The following PKHD1 variants were observed in gnomAD, a reference collection of about 807,000 sequenced individuals.
PKHD1 encodes fibrocystin.
PKHD1 carries 291 observed loss-of-function variants against 412.0 expected under a neutral mutation model. That is an observed-to-expected ratio of 0.71 (90% CI 0.64 to 0.78). The LOEUF is 0.78. Among genes scored for constraint, PKHD1 ranks in the 30% least tolerant of loss-of-function variants. The pLI is 0.00. For synonymous variants in PKHD1, 1,777 were observed against 1,821.5 expected, an observed-to-expected ratio of 0.98 and a Z score of 0.62; for missense variants, 4,825 against 4,950.7, an observed-to-expected ratio of 0.97 and a Z score of 0.76.
intron 36 of PKHD1, 55 bp from the exon 37 acceptor site, chr6:51,934,377 G>C (rs748587407): frequency 1.8e-6 from 2 of 1,127,206 alleles, no homozygotes; most frequent in Admixed American, 3.4e-5. Context: ...TTACCGTTTT[G>C]TCAGTTTCAA....
At chr6:51,647,666 A>G (rs1289364480) in intron 63 of PKHD1, among the ~76,000 whole-genome samples, 1 of 152,190 alleles carries the variant, frequency 6.6e-6, no homozygotes, top group Non-Finnish European at 1.5e-5. Flanking sequence ...AGTCCATGAT[A>G]CTATACCAAA....
intron 51 of PKHD1, among the ~76,000 whole-genome samples, chr6:51,832,390 T>C (rs1768414715): frequency 6.6e-6 from 1 of 151,756 alleles, no homozygotes; most frequent in Non-Finnish European, 1.5e-5. Context: ...AATTGGGAAG[T>C]CAAGTGGAGG....
At chr6:51,635,003 T>C (rs1017892349) in intron 64 of PKHD1, among the ~76,000 whole-genome samples, 1 of 152,200 alleles carries the variant, frequency 6.6e-6, no homozygotes, top group Non-Finnish European at 1.5e-5. Context: ...TATAGCTCAC[T>C]GTAGCCCTGA....
intron 60 of PKHD1, among the ~76,000 whole-genome samples, chr6:51,677,202 C>T (rs1315895063): frequency 6.6e-6 from 1 of 152,140 alleles, no homozygotes; most frequent in Non-Finnish European, 1.5e-5. Context: ...CATGTATTCA[C>T]TCACTGCTTA....
In PKHD1 at chr6:52,069,482, A is replaced by G. The variant is rs1426582740; in HGVS notation, c.753T>C (p.Asp251=). 3.7e-6 allele frequency: 6 copies of G among 1,613,156 alleles called. No individual in the cohort carries two copies. Among genetic ancestry groups the G allele is most frequent in the Non-Finnish European group, 4.2e-6 (5 of 1,179,268 alleles). The stretch of plus-strand genomic sequence containing the variant: ...CTGAGTGTGTCTGGTATAGGAAAAG[A>G]TCCTGTTTAGCACTGATCAGCCATG... ...KKAWLISAKQ[D]LFLYQTHSEI... The change falls in exon 11 of 67, where the codon GAT becomes GAC. Residue 251 remains aspartate (D), a synonymous_variant. Coordinates refer to ENST00000371117, the MANE Select transcript of PKHD1 (RefSeq NM_138694.4).
chr6:52,075,026 A>C (rs1415214364), intron 6 of PKHD1, among the ~76,000 whole-genome samples: 9 of 152,098 alleles, frequency 5.9e-5, no homozygotes. Context: ...CCCTCACCCT[A>C]ACAAGACTTC....
At chr6:51,845,048 G>T (rs1317542439) in intron 50 of PKHD1, among the ~76,000 whole-genome samples, 1 of 152,168 alleles carries the variant, frequency 6.6e-6, no homozygotes, top group African/African-American at 2.4e-5. Context: ...GAAAAAAACA[G>T]TTAAGTGAAA....
intron 60 of PKHD1, among the ~76,000 whole-genome samples, chr6:51,715,199 T>C (rs1055223636): frequency 2.6e-5 from 4 of 152,066 alleles, no homozygotes; most frequent in Non-Finnish European, 5.9e-5. Flanking sequence ...CTTCCAAAAC[T>C]AGGCAGAACA....
intron 36 of PKHD1, among the ~76,000 whole-genome samples, chr6:51,952,858 A>AT (rs929666617): frequency 2.0e-5 from 3 of 152,090 alleles, no homozygotes; most frequent in Admixed American, 6.6e-5. Flanking sequence ...TAGGAAGAAA[A>AT]TTTACTCATT....
At chr6:51,984,321 C>T (rs983426973) in intron 35 of PKHD1, among the ~76,000 whole-genome samples, 1 of 152,158 alleles carries the variant, frequency 6.6e-6, no homozygotes, top group East Asian at 1.9e-4. Flanking sequence ...CAAGTAGTTT[C>T]CCCAAGAGAA....
At chr6:51,946,295 A>T (rs1272721209) in intron 36 of PKHD1, among the ~76,000 whole-genome samples, 3 of 152,146 alleles carry the variant, frequency 2.0e-5, no homozygotes, top group African/African-American at 7.2e-5. Context: ...AAGCATCCCC[A>T]CCCCGCTTTA....
intron 48 of PKHD1, among the ~76,000 whole-genome samples, chr6:51,858,294 G>A (rs753681752): frequency 1.3e-5 from 2 of 152,020 alleles, no homozygotes; most frequent in African/African-American, 4.8e-5. Flanking sequence ...AGCCATTTGC[G>A]CTCAGTCATC....
At chr6:51,953,238 CAAT>C (rs1401916976) in intron 36 of PKHD1, among the ~76,000 whole-genome samples, 3 of 152,074 alleles carry the variant, frequency 2.0e-5, no homozygotes, top group Non-Finnish European at 4.4e-5. Flanking sequence ...CAATTTGCAA[CAAT>C]GTTTCCAGCC....
intron 60 of PKHD1, among the ~76,000 whole-genome samples, chr6:51,725,961 A>G (rs1216192758): frequency 1.3e-5 from 2 of 152,172 alleles, no homozygotes; most frequent in Admixed American, 6.5e-5. Context: ...GCCTTAGCCA[A>G]ATGCAGCTCT....
chr6:51,969,677 A>G (rs1010277258), intron 35 of PKHD1, among the ~76,000 whole-genome samples: 1 of 152,186 alleles, frequency 6.6e-6, no homozygotes, highest in African/African-American at 2.4e-5. Context: ...TACTTCACTT[A>G]AGATAATGGT....
intron 65 of PKHD1, among the ~76,000 whole-genome samples, chr6:51,632,358 T>G (rs1768031108): frequency 6.6e-6 from 1 of 152,164 alleles, no homozygotes; most frequent in African/African-American, 2.4e-5. Context: ...TAACATGAGT[T>G]TTTATTATTA....
chr6:52,069,337 T>C, intron 11 of PKHD1, 120 bp downstream of exon 11: 2 of 795,366 alleles, frequency 2.5e-6, no homozygotes, highest in Non-Finnish European at 4.6e-6. Context: ...AGGCTGTCTA[T>C]GATTGTAGGG....
intron 46 of PKHD1, among the ~76,000 whole-genome samples, chr6:51,882,493 C>T (rs541945344): frequency 8.2e-4 from 125 of 152,244 alleles, no homozygotes; most frequent in Non-Finnish European, 1.5e-3. Context: ...AGAGAATATT[C>T]TTCCTTGGCT....
chr6:51,964,019 C>T (rs1194340599), intron 35 of PKHD1, among the ~76,000 whole-genome samples: 1 of 152,138 alleles, frequency 6.6e-6, no homozygotes, highest in East Asian at 1.9e-4. Flanking sequence ...TTGCCCAGAA[C>T]GTGACCTCAT....
Sources: gnomAD v4.1 joint callset for allele counts (sites outside exome capture counted in the v4.1 genomes callset) on GRCh38, gnomAD v4.1.1 for gene constraint, MANE v1.5 for transcripts, NCBI Gene and HGNC (gene_info 2026-07-23, HGNC 2026-07-21) for gene names.